The following CD38 variants were observed in gnomAD, a reference collection of about 807,000 sequenced individuals.
CD38 encodes ADP-ribosyl cyclase/cyclic ADP-ribose hydrolase 1.
CD38 carries 31 observed loss-of-function variants against 36.3 expected under a neutral mutation model. The ratio of observed to expected loss-of-function variants is 0.85; its 90% CI spans 0.64 to 1.15. The LOEUF is 1.15. Among genes scored for constraint, CD38 ranks in the 50% most tolerant of loss-of-function variants. The pLI is 0.00. For missense variants in CD38, 380 were observed against 371.9 expected (o/e 1.02, Z -0.18); for synonymous variants, 131 against 135.2 (o/e 0.97, Z 0.22).
intron 1 of CD38, among the ~76,000 whole-genome samples, chr4:15,795,009 A>G (rs1170874394): frequency 3.9e-5 from 6 of 152,178 alleles, no homozygotes; most frequent in Non-Finnish European, 7.4e-5. Flanking sequence ...GAGTCAGTTA[A>G]ATAGGTATCA....
intron 5 of CD38, among the ~76,000 whole-genome samples, chr4:15,838,523 G>C (rs1724124766): frequency 6.6e-6 from 1 of 151,952 alleles, no homozygotes; most frequent in Admixed American, 6.6e-5. Flanking sequence ...TGCCTCCCCT[G>C]CTCCCCTGCT....
At position 15,834,259 on chromosome 4, in the gene CD38, G is replaced by A. The variant is rs1380123668; in HGVS notation, c.542G>A (p.Ser181Asn). The A allele has an allele frequency of 9.9e-6, 16 of 1,612,984 alleles. No homozygotes were observed. The highest frequency in any genetic ancestry group is 1.4e-5 in the Non-Finnish European group (16 of 1,178,950). Residue 181 changes from serine (S) to asparagine (N), a missense_variant, in exon 4 of 8, where the codon AGC becomes AAC. Physicochemically the swap from Ser to Asn is conservative, Grantham distance 46. Transcript: ENST00000226279. ...QSCPDWRKDC[S>N]NNPVSVFWKT... is the part of the protein sequence containing the mutation. ...TGCCCAGACTGGAGAAAGGACTGCA[G>A]CAACAACCCTGTTTCAGTATTCTGG...
chr4:15,817,158 G>C (rs1387990538), intron 2 of CD38, among the ~76,000 whole-genome samples: 1 of 152,194 alleles, frequency 6.6e-6, no homozygotes, highest in East Asian at 1.9e-4. Context: ...AGAAAACTGA[G>C]GGTTGGTGTG....
At chr4:15,789,924 A>G (rs748918311) in intron 1 of CD38, among the ~76,000 whole-genome samples, 6 of 152,196 alleles carry the variant, frequency 3.9e-5, no homozygotes, top group Non-Finnish European at 7.3e-5. Flanking sequence ...AAAATAAATT[A>G]CCCAGCTTCA....
chr4:15,834,433 G>A (rs1195297616), intron 4 of CD38, 131 bp downstream of exon 4: 8 of 639,174 alleles, frequency 1.3e-5, no homozygotes, highest in Non-Finnish European at 2.2e-5. Flanking sequence ...ATTCATTCCT[G>A]AGAAAAAGGT....
At chr4:15,780,679 G>A (rs1345216606) in intron 1 of CD38, among the ~76,000 whole-genome samples, 3 of 151,958 alleles carry the variant, frequency 2.0e-5, no homozygotes, top group East Asian at 1.9e-4. Context: ...ATATTCTTTG[G>A]AAAGACTAAC....
intron 3 of CD38, among the ~76,000 whole-genome samples, chr4:15,833,463 A>G (rs1416188457): frequency 4.6e-5 from 7 of 152,176 alleles, no homozygotes; most frequent in Non-Finnish European, 1.0e-4. Context: ...TGGGAAGATA[A>G]TTCCTTTTGA....
intron 7 of CD38, among the ~76,000 whole-genome samples, chr4:15,841,136 A>G (rs1724196655): frequency 6.6e-6 from 1 of 152,222 alleles, no homozygotes. Flanking sequence ...AAAGTCACAT[A>G]TAATTCTAGT....
At chr4:15,799,897 G>C (rs974605050) in intron 1 of CD38, among the ~76,000 whole-genome samples, 2 of 152,140 alleles carry the variant, frequency 1.3e-5, no homozygotes, top group African/African-American at 4.8e-5. Context: ...AGGGAGAAAA[G>C]TCTCTTGGGT....
chr4:15,801,076 A>G (rs956185950), intron 1 of CD38, among the ~76,000 whole-genome samples: 1 of 152,038 alleles, frequency 6.6e-6, no homozygotes, highest in African/African-American at 2.4e-5. Flanking sequence ...AGAGGGAAGA[A>G]CCAAATAAAT....
chr4:15,790,110 C>G (rs1325934342), intron 1 of CD38, among the ~76,000 whole-genome samples: 1 of 26,456 alleles, frequency 3.8e-5, no homozygotes, highest in Non-Finnish European at 7.3e-5. Context: ...AGCCGCTCTC[C>G]CTCTCCCTCT....
At chr4:15,804,565 A>G (rs1723301977) in intron 1 of CD38, among the ~76,000 whole-genome samples, 1 of 152,224 alleles carries the variant, frequency 6.6e-6, no homozygotes, top group African/African-American at 2.4e-5. Flanking sequence ...AATGTGGGAT[A>G]TATAGACAAT....
intron 1 of CD38, among the ~76,000 whole-genome samples, chr4:15,783,780 C>T (rs895427396): frequency 6.6e-6 from 1 of 152,192 alleles, no homozygotes; most frequent in African/African-American, 2.4e-5. Flanking sequence ...TTAACTTCCT[C>T]TTCAAAATTT....
chr4:15,801,106 T>C (rs557201240), intron 1 of CD38, among the ~76,000 whole-genome samples: 3 of 152,018 alleles, frequency 2.0e-5, no homozygotes, highest in Non-Finnish European at 4.4e-5. Context: ...GATGTTACAA[T>C]TGATACCACA....
At chr4:15,830,994 T>G (rs919960936) in intron 3 of CD38, among the ~76,000 whole-genome samples, 2 of 152,144 alleles carry the variant, frequency 1.3e-5, no homozygotes, top group Admixed American at 1.3e-4. Flanking sequence ...GAGGTGATTT[T>G]TTCAGTTTCC....
intron 3 of CD38, among the ~76,000 whole-genome samples, chr4:15,833,661 T>C (rs1174616366): frequency 6.6e-6 from 1 of 152,242 alleles, no homozygotes; most frequent in Non-Finnish European, 1.5e-5. Flanking sequence ...TCAATAAATG[T>C]GCATTAAGGC....
intron 1 of CD38, among the ~76,000 whole-genome samples, chr4:15,807,857 G>T (rs188222804): frequency 7.9e-5 from 12 of 152,294 alleles, no homozygotes; most frequent in South Asian, 2.1e-4. Context: ...AATCCGTGAG[G>T]CATGATTCCC....
At chr4:15,793,217 C>G (rs1199029989) in intron 1 of CD38, among the ~76,000 whole-genome samples, 1 of 151,886 alleles carries the variant, frequency 6.6e-6, no homozygotes, top group African/African-American at 2.4e-5. Context: ...AGACCTCTCT[C>G]CAGTACTTCT....
intron 1 of CD38, among the ~76,000 whole-genome samples, chr4:15,805,452 TG>T (rs1223196018): frequency 2.6e-5 from 4 of 152,190 alleles, no homozygotes; most frequent in African/African-American, 7.2e-5. Context: ...CCCTCACTCT[TG>T]ACATTCATTC....
Sources: allele counts gnomAD v4.1 joint callset (sites outside exome capture counted in the v4.1 genomes callset), GRCh38; gene constraint gnomAD v4.1.1; transcripts MANE v1.5; gene names NCBI Gene and HGNC (gene_info 2026-07-23, HGNC 2026-07-21).